Variants in RORA observed in about 807,000 individuals in gnomAD.
The protein encoded by RORA is nuclear receptor ROR-alpha.
A neutral mutation model predicts 69.5 loss-of-function variants in RORA; 7 were observed. That is an observed-to-expected ratio of 0.10 (90% CI 0.06 to 0.19). The LOEUF is 0.19. Ranked by LOEUF, RORA falls within the 10% of genes least tolerant of loss-of-function variation. The probability of loss-of-function intolerance (pLI) is 1.00; values close to 1 mark genes in which losing one functional copy is unlikely to be tolerated. For synonymous variants in RORA, 261 were observed against 240.8 expected (o/e 1.08, Z -0.78); for missense variants, 457 against 663.0 (o/e 0.69, Z 3.41).
intron 2 of RORA, among the ~76,000 whole-genome samples, chr15:60,626,171 G>T (rs542212931): frequency 6.2e-4 from 95 of 152,280 alleles, no homozygotes; most frequent in Non-Finnish European, 1.1e-3. Flanking sequence ...GGGTAGCCTG[G>T]TGTCTGTTTG....
intron 2 of RORA, among the ~76,000 whole-genome samples, chr15:60,578,962 A>T (rs1479165177): frequency 2.7e-5 from 4 of 150,832 alleles, no homozygotes; most frequent in Non-Finnish European, 5.9e-5. Flanking sequence ...ATGGGGTTTC[A>T]CCATGTTAGC....
At chr15:61,041,969 C>T (rs534554661) in intron 1 of RORA, among the ~76,000 whole-genome samples, 215 of 152,224 alleles carry the variant, frequency 1.4e-3, no homozygotes, top group African/African-American at 5.1e-3. Flanking sequence ...AATAACTTGC[C>T]CAAGGAGTCA....
At chr15:60,551,789 TGA>T (rs1014282047) in intron 2 of RORA, among the ~76,000 whole-genome samples, 1 of 152,186 alleles carries the variant, frequency 6.6e-6, no homozygotes, top group Non-Finnish European at 1.5e-5. Flanking sequence ...CACCTGAGAC[TGA>T]GAGGTAAAGT....
intron 1 of RORA, among the ~76,000 whole-genome samples, chr15:61,214,394 C>T (rs771477415): frequency 1.3e-5 from 2 of 152,180 alleles, no homozygotes; most frequent in Non-Finnish European, 1.5e-5. Context: ...TTAAAACTTA[C>T]GTTGTTGATT....
intron 1 of RORA, among the ~76,000 whole-genome samples, chr15:60,914,749 G>A (rs543198233): frequency 7.2e-5 from 11 of 152,260 alleles, no homozygotes; most frequent in African/African-American, 2.6e-4. Context: ...TGGAAACCAA[G>A]GCTTGGGAGT....
chr15:60,517,937 C>T (rs1295875786), intron 3 of RORA, among the ~76,000 whole-genome samples: 5 of 152,206 alleles, frequency 3.3e-5, no homozygotes, highest in Admixed American at 1.3e-4. Flanking sequence ...CTTCTGACGA[C>T]CAAATCCCAG....
intron 1 of RORA, among the ~76,000 whole-genome samples, chr15:61,172,831 G>A (rs1225657829): frequency 6.6e-6 from 1 of 151,944 alleles, no homozygotes; most frequent in East Asian, 1.9e-4. Context: ...ATGTATCCTG[G>A]GCTGGGAGGA....
At chr15:60,514,453 C>T (rs2065800637) in intron 4 of RORA, among the ~76,000 whole-genome samples, 163 bp downstream of exon 4, 1 of 152,048 alleles carries the variant, frequency 6.6e-6, no homozygotes, top group Admixed American at 6.6e-5. Flanking sequence ...GAAGCAGCTG[C>T]TGTGAGTTCC....
rs1335312108 is a variant in RORA at position 61,044,933 on chromosome 15, T to A, written c.166+184120A>T. 2.6e-5 allele frequency among the ~76,000 whole-genome samples: 4 copies of A among 152,222 alleles called. No individual in the cohort carries two copies. In the East Asian group the frequency reaches 5.8e-4, roughly 22 times the overall value. ...ACAAGAGGCACTTGAGAAATATTTG[T>A]TGAATGAATAAATGAGTTATGTCTA... On this transcript the variant is annotated intron_variant, in intron 1 of 10. Transcript: ENST00000335670.
intron 1 of RORA, among the ~76,000 whole-genome samples, chr15:60,861,844 C>T (rs1212341656): frequency 6.6e-6 from 1 of 152,176 alleles, no homozygotes; most frequent in Non-Finnish European, 1.5e-5. Context: ...GTACTCTGTC[C>T]TGGAAGCATC....
intron 1 of RORA, among the ~76,000 whole-genome samples, chr15:61,114,916 T>C (rs1410838295): frequency 1.3e-5 from 2 of 152,214 alleles, no homozygotes; most frequent in Non-Finnish European, 2.9e-5. Flanking sequence ...AACTCCCTCA[T>C]CATTAGAGTT....
At chr15:61,105,443 C>T (rs1302739520) in intron 1 of RORA, among the ~76,000 whole-genome samples, 1 of 152,186 alleles carries the variant, frequency 6.6e-6, no homozygotes, top group African/African-American at 2.4e-5. Context: ...CATGATATTT[C>T]ATAAAGTCTG....
chr15:61,040,023 A>G (rs1896663300), intron 1 of RORA, among the ~76,000 whole-genome samples: 1 of 148,710 alleles, frequency 6.7e-6, no homozygotes, highest in Non-Finnish European at 1.5e-5. Context: ...TTTTCCAATT[A>G]CATTCCTCCC....
At chr15:61,175,876 T>C (rs1370019834) in intron 1 of RORA, among the ~76,000 whole-genome samples, 4 of 152,092 alleles carry the variant, frequency 2.6e-5, no homozygotes, top group African/African-American at 4.8e-5. Context: ...CTTAATCTCA[T>C]AAGAAAATGT....
chr15:60,501,103 T>C (rs756115868), intron 8 of RORA, 34 bp from the exon 9 acceptor site: 2 of 1,287,660 alleles, frequency 1.6e-6, no homozygotes, highest in East Asian at 4.6e-5. Flanking sequence ...GTTTAGAATT[T>C]TGATTATTGT....
chr15:61,072,552 TAAC>T (rs1228002064), intron 1 of RORA, among the ~76,000 whole-genome samples: 3 of 152,224 alleles, frequency 2.0e-5, no homozygotes, highest in Non-Finnish European at 1.5e-5. Flanking sequence ...GCCTACCATT[TAAC>T]AACAACAGCA....
chr15:60,980,923 TTC>T (rs776938532), intron 1 of RORA, among the ~76,000 whole-genome samples: 128 of 149,676 alleles, frequency 8.6e-4, no homozygotes, highest in Non-Finnish European at 1.6e-3. Flanking sequence ...CTTAGTTTGC[TTC>T]TCTTTTTCTA....
At chr15:60,568,938 T>G (rs2067792873) in intron 2 of RORA, among the ~76,000 whole-genome samples, 1 of 83,298 alleles carries the variant, frequency 1.2e-5, no homozygotes, top group South Asian at 4.1e-4. Flanking sequence ...TTAGATGGTT[T>G]TGCGCTAAAA....
At chr15:60,845,350 A>G (rs950107695) in intron 1 of RORA, among the ~76,000 whole-genome samples, 1 of 152,188 alleles carries the variant, frequency 6.6e-6, no homozygotes, top group African/African-American at 2.4e-5. Flanking sequence ...GCCACAGACG[A>G]TGGTATGTTT....
Sources: allele counts gnomAD v4.1 joint callset (sites outside exome capture counted in the v4.1 genomes callset), GRCh38; gene constraint gnomAD v4.1.1; transcripts MANE v1.5; gene names NCBI Gene and HGNC (gene_info 2026-07-23, HGNC 2026-07-21).